MTMR12: variants seen among roughly 807,000 people sequenced by gnomAD.
The protein encoded by MTMR12 is myotubularin-related protein 12.
MTMR12 carries 33 observed loss-of-function variants against 96.7 expected under a neutral mutation model. The ratio of observed to expected loss-of-function variants is 0.34; its 90% confidence interval spans 0.26 to 0.46. The LOEUF is 0.46. Among genes scored for constraint, MTMR12 ranks in the 20% least tolerant of loss-of-function variants. MTMR12 has a pLI of 1.00. For missense variants in MTMR12, 721 were observed against 896.1 expected (o/e 0.80, Z 2.49); for synonymous variants, 298 against 327.2 (o/e 0.91, Z 0.96).
Position 32,312,820 on chromosome 5 carries a change from C to G in MTMR12, c.19G>C (p.Val7Leu). 1 of 1,532,786 alleles carries G rather than the reference C, an allele frequency of 6.5e-7. No homozygotes were observed. The highest frequency in any genetic ancestry group is 1.4e-5 in the African/African-American group (1 of 69,918). 94.9% of individuals were successfully genotyped at this position (1,532,786 alleles called of 1,614,324 possible). Residue 7 changes from valine to leucine, a missense_variant, in exon 1 of 16, where the codon GTC becomes CTC. Val to Leu is a conservative substitution (Grantham distance 32, BLOSUM62 1). Coordinates refer to ENST00000382142, the MANE Select transcript of MTMR12 (RefSeq NM_001040446.3). This position sits in a 1 kb window ranked among gnomAD's most constrained non-coding sequence, Gnocchi z 5.0. ...GCCTTGGTGCCGCCGCCACCGCCGA[C>G]TACTCCTTTCCCCAGCATACCGCCG... Reference protein sequence around the residue: MLGKGVVGGGGGTKAPK... With the variant: MLGKGVLGGGGGTKAPK...
chr5:32,274,068 G>T lies in MTMR12; in HGVS notation c.197C>A (p.Ser66Tyr), dbSNP rs1203553371. Residue 66 changes from serine (S) to tyrosine (Y), a missense_variant, in exon 3 of 16, where the codon TCC (serine) becomes TAC (tyrosine). Ser to Tyr is a moderately radical substitution (Grantham distance 144). Coordinates refer to ENST00000382142, the MANE Select transcript of MTMR12 (RefSeq NM_001040446.3). ...STVLKYVQED[S>Y]CQHGVYGRLV... ...CCTCCCATAGACCCCATGCTGACAG[G>T]AATCTTCCTGGACATACTTCAGTAC... 1.2e-6 allele frequency: 2 copies of T among 1,614,044 alleles called. No homozygotes were observed. The highest frequency in any genetic ancestry group is 1.7e-6 in the Non-Finnish European group (2 of 1,180,034).
chr5:32,296,411 T>G, intron 1 of MTMR12: 1 of 271,732 alleles, frequency 3.7e-6, no homozygotes, highest in South Asian at 2.9e-5. Flanking sequence ...CCCAGGAGGT[T>G]GAGGCTGGAG....
Position 32,243,582 on chromosome 5 carries a change from A to T in MTMR12, c.1039T>A (p.Trp347Arg), listed in dbSNP as rs374300051. 4 of 1,609,410 alleles carry T rather than the reference A, an allele frequency of 2.5e-6. No individual in the cohort carries two copies. Residue 347 changes from tryptophan to arginine, a missense_variant, in exon 11 of 16, where the codon TGG becomes AGG. Coordinates refer to ENST00000382142, the MANE Select transcript of MTMR12 (RefSeq NM_001040446.3). ...GAAAACCATTTTATATCTGTGTCCC[A>T]AAATTCAGTACTGTTATCTGAAAAA... ...LFLIDNSTEF[W>R]DTDIKWFSLL...
At chr5:32,282,317 A>C (rs1750329433) in intron 1 of MTMR12, among the ~76,000 whole-genome samples, 1 of 152,010 alleles carries the variant, frequency 6.6e-6, no homozygotes, top group Non-Finnish European at 1.5e-5. Context: ...GCTACTCTGG[A>C]GGCTGAGGCA....
intron 1 of MTMR12, among the ~76,000 whole-genome samples, chr5:32,290,789 T>C (rs191249745): frequency 1.3e-5 from 2 of 152,286 alleles, no homozygotes; most frequent in Admixed American, 1.3e-4. Context: ...TGAATCACAG[T>C]GGAGGCCTCC....
intron 10 of MTMR12, among the ~76,000 whole-genome samples, chr5:32,247,347 G>T (rs1748733108): frequency 6.6e-6 from 1 of 152,080 alleles, no homozygotes; most frequent in African/African-American, 2.4e-5. Context: ...GTGACACCCT[G>T]TCTCAAAAAA....
rs1479084100 is a variant in MTMR12, at chr5:32,276,719, T to C, written c.105A>G (p.Glu35=). ...RPEEIHTNEK[E]VTEKEVTLHL... is the part of the protein sequence containing the mutation. Reference sequence around the variant, plus strand: ...GAAGAGTTACTTCCTTCTCTGTTACTTCCTTTTCGTTTGTGTGAATTTCCT... The same window carrying C: ...GAAGAGTTACTTCCTTCTCTGTTACCTCCTTTTCGTTTGTGTGAATTTCCT... Residue 35 remains glutamate, a synonymous_variant, in exon 2 of 16, where the codon GAA becomes GAG. Coordinates refer to ENST00000382142, the MANE Select transcript of MTMR12 (RefSeq NM_001040446.3). 5 of 1,613,990 alleles carry C rather than the reference T, an allele frequency of 3.1e-6. No homozygotes were observed. The highest frequency in any genetic ancestry group is 2.2e-5 in the South Asian group (2 of 91,074).
intron 1 of MTMR12, among the ~76,000 whole-genome samples, chr5:32,279,733 G>A (rs1254022942): frequency 2.0e-5 from 3 of 152,206 alleles, no homozygotes; most frequent in Non-Finnish European, 4.4e-5. Context: ...GGGGGGCAGG[G>A]GATGATTTTG....
At position 32,309,190 on chromosome 5, in the gene MTMR12, C is replaced by T. The variant is rs115672548; in HGVS notation, c.81+3568G>A. Reference sequence around the variant, plus strand: ...AATTACAACATGTGCACTTGGTGGACGAAGAATTTGAACATTCTTGAACTC... The same window carrying T: ...AATTACAACATGTGCACTTGGTGGATGAAGAATTTGAACATTCTTGAACTC... On this transcript the variant is annotated intron_variant, in intron 1 of 15. Coordinates refer to ENST00000382142, the MANE Select transcript of MTMR12 (RefSeq NM_001040446.3). Among the ~76,000 whole-genome samples the T allele has an allele frequency of 7.6e-3, 1,150 of 152,238 alleles. 14 individuals are homozygous for T. The highest frequency in any genetic ancestry group is 0.026 in the African/African-American group (1,088 of 41,530).
intron 1 of MTMR12, among the ~76,000 whole-genome samples, chr5:32,293,013 T>C (rs1019313041): frequency 6.6e-6 from 1 of 152,266 alleles, no homozygotes; most frequent in Non-Finnish European, 1.5e-5. Flanking sequence ...GTTAACTTTA[T>C]GTAATGGTAT....
Position 32,312,572 on chromosome 5 carries a change from G to A in MTMR12, c.81+186C>T, listed in dbSNP as rs932881530. The stretch of plus-strand genomic sequence containing the variant: ...CAGGCACCTGCCTGCCTGCGCCGGG[G>A]TCCCCATTCCGGCCCGCGCGGAGGC... On this transcript the variant is annotated intron_variant, in intron 1 of 15. Coordinates refer to ENST00000382142, the MANE Select transcript of MTMR12 (RefSeq NM_001040446.3). The surrounding 1 kb of genome is among the most constrained non-coding windows in gnomAD (Gnocchi z 5.0). Among the ~76,000 whole-genome samples the A allele has an allele frequency of 2.6e-5, 4 of 152,086 alleles. No homozygotes were observed. Among genetic ancestry groups the A allele is most frequent in the Non-Finnish European group, 5.9e-5 (4 of 67,972 alleles).
At chr5:32,301,808 C>A (rs1293267567) in intron 1 of MTMR12, among the ~76,000 whole-genome samples, 1 of 152,032 alleles carries the variant, frequency 6.6e-6, no homozygotes, top group African/African-American at 2.4e-5. Context: ...CCACAAGAAT[C>A]GCTTGAAACT....
intron 7 of MTMR12, among the ~76,000 whole-genome samples, chr5:32,256,478 G>A (rs1749137015): frequency 2.6e-5 from 4 of 152,176 alleles, no homozygotes; most frequent in Admixed American, 6.5e-5. Flanking sequence ...AACTTCTATA[G>A]GAGAAAATTT....
At chr5:32,231,400 A>G (rs1008272003) in intron 15 of MTMR12, among the ~76,000 whole-genome samples, 9 of 149,774 alleles carry the variant, frequency 6.0e-5, no homozygotes, top group Non-Finnish European at 1.2e-4. Flanking sequence ...AAAAAAAAAA[A>G]GGGTTGTAAA....
intron 5 of MTMR12, 151 bp downstream of exon 5, chr5:32,270,666 A>T: frequency 1.3e-6 from 1 of 794,918 alleles, no homozygotes; most frequent in Non-Finnish European, 1.9e-6. Context: ...ATTACTTTTC[A>T]CGTTCTAATC....
intron 1 of MTMR12, among the ~76,000 whole-genome samples, chr5:32,277,464 C>T (rs1005090268): frequency 1.3e-5 from 2 of 151,910 alleles, no homozygotes; most frequent in Admixed American, 6.6e-5. Flanking sequence ...TTTGGGTGGC[C>T]GAGATGGGCA....
Position 32,255,725 on chromosome 5 carries a change from T to A in MTMR12, c.757A>T (p.Asn253Tyr), listed in dbSNP as rs1749109538. Residue 253 changes from asparagine (N) to tyrosine (Y), a missense_variant, in exon 8 of 16, where the codon AAT becomes TAT. By Grantham distance (143) the Asn-to-Tyr change is moderately radical (BLOSUM62 -2). Transcript: ENST00000382142. ...FVVPTPLPEE[N>Y]VQRFQGHGIP... ...CCATGACCCTGAAAGCGCTGCACATTCTCTTCAGGAAGAGGGGTGGGGACA... is the reference window on the plus strand; with the variant it reads ...CCATGACCCTGAAAGCGCTGCACATACTCTTCAGGAAGAGGGGTGGGGACA... The A allele has an allele frequency of 6.2e-7, 1 of 1,612,860 alleles. No individual in the cohort carries two copies. Among genetic ancestry groups the A allele is most frequent in the Non-Finnish European group, 8.5e-7 (1 of 1,179,656 alleles).
At position 32,255,779 on chromosome 5, in the gene MTMR12, G is replaced by T. The variant is rs1179762890; in HGVS notation, c.714-11C>A. On this transcript the variant is annotated splice_polypyrimidine_tract_variant and intron_variant, in intron 7 of 15. Transcript: ENST00000382142. ...AAGTATGCTGGCAATCTAGAAGAAA[G>T]AAATGTCATCAAGTTTTAGTACAAC... 1.2e-6 allele frequency: 2 copies of T among 1,603,280 alleles called. No homozygotes were observed. The highest frequency in any genetic ancestry group is 1.1e-5 in the South Asian group (1 of 89,290).
intron 13 of MTMR12, among the ~76,000 whole-genome samples, chr5:32,237,180 A>T (rs905454086): frequency 2.0e-5 from 3 of 152,250 alleles, no homozygotes; most frequent in Non-Finnish European, 4.4e-5. Context: ...GACTACCTGG[A>T]GTATGAAAAA....
Sources: allele counts gnomAD v4.1 joint callset (sites outside exome capture counted in the v4.1 genomes callset), GRCh38; gene constraint gnomAD v4.1.1; non-coding constraint Gnocchi (gnomAD v3.1); transcripts MANE v1.5; gene names NCBI Gene and HGNC (gene_info 2026-07-23, HGNC 2026-07-21).